CDC73: variants seen among roughly 807,000 people sequenced by gnomAD.
CDC73 encodes parafibromin.
A neutral mutation model predicts 83.7 loss-of-function variants in CDC73; 21 were observed. The ratio of observed to expected loss-of-function variants is 0.25; its 90% CI spans 0.18 to 0.36. The LOEUF is 0.36. CDC73 is among the 10% of genes least tolerant of loss of function. The pLI, the probability that CDC73 is intolerant of heterozygous loss-of-function variation, is 1.00. For missense variants in CDC73, 342 were observed against 653.3 expected, an observed-to-expected ratio of 0.52 and a Z score of 5.19; for synonymous variants, 224 against 212.9, an observed-to-expected ratio of 1.05 and a Z score of -0.45.
At chr1:193,242,085 CATT>C (rs138221223) in intron 15 of CDC73, among the ~76,000 whole-genome samples, 1,836 of 144,494 alleles carry the variant, frequency 0.013, 17 homozygotes, top group South Asian at 0.035. Context: ...TAGATATCAT[CATT>C]GTCTGCAGGT....
At chr1:193,223,791 T>G (rs1677512658) in intron 13 of CDC73, among the ~76,000 whole-genome samples, 1 of 152,090 alleles carries the variant, frequency 6.6e-6, no homozygotes, top group South Asian at 2.1e-4. Context: ...CTCTTTTCAC[T>G]TGGTCTTTGG....
intron 14 of CDC73, among the ~76,000 whole-genome samples, chr1:193,234,173 TCTCACACACA>T (rs1482668526): frequency 0.021 from 1,438 of 68,142 alleles, 16 homozygotes; most frequent in Non-Finnish European, 0.033. Context: ...TCTCTCTCTC[TCTCACACACA>T]CACACACACA....
At chr1:193,212,161 C>A (rs2102038226) in intron 12 of CDC73, 61 bp downstream of exon 12, 3 of 1,344,836 alleles carry the variant, frequency 2.2e-6, no homozygotes, top group South Asian at 1.3e-5. Context: ...CAAAACCAGG[C>A]CTGATAATTT....
At chr1:193,205,762 T>C (rs573619332) in intron 11 of CDC73, among the ~76,000 whole-genome samples, 1 of 152,264 alleles carries the variant, frequency 6.6e-6, no homozygotes, top group East Asian at 1.9e-4. Flanking sequence ...AATAGGCTCT[T>C]GTCCAGAAAC....
At chr1:193,192,181 G>T (rs532195739) in intron 10 of CDC73, among the ~76,000 whole-genome samples, 1 of 152,192 alleles carries the variant, frequency 6.6e-6, no homozygotes, top group East Asian at 1.9e-4. Flanking sequence ...GGTAGCTCAT[G>T]CCTGTAATTC....
At chr1:193,128,204 G>A (rs1486095569) in intron 2 of CDC73, 1 of 152,184 alleles carries the variant, frequency 6.6e-6, no homozygotes, top group Non-Finnish European at 1.5e-5. Context: ...ACCAAATGAT[G>A]ATGTAAGTTA....
chr1:193,152,752 G>C (rs975070668), intron 10 of CDC73, among the ~76,000 whole-genome samples: 1 of 151,878 alleles, frequency 6.6e-6, no homozygotes, highest in Admixed American at 6.6e-5. Flanking sequence ...GAGCTTTTTC[G>C]CATAATATCT....
intron 11 of CDC73, among the ~76,000 whole-genome samples, chr1:193,206,917 C>G (rs1214890251): frequency 6.6e-6 from 1 of 152,138 alleles, no homozygotes; most frequent in Non-Finnish European, 1.5e-5. Context: ...AATTTCCAAC[C>G]TCTCAAAATT....
At chr1:193,145,362 C>T (rs956532412) in intron 7 of CDC73, among the ~76,000 whole-genome samples, 2 of 152,096 alleles carry the variant, frequency 1.3e-5, no homozygotes, top group Non-Finnish European at 2.9e-5. Flanking sequence ...TAGATTCTCT[C>T]GGTATTCTTT....
At chr1:193,167,474 G>A (rs1413312822) in intron 10 of CDC73, among the ~76,000 whole-genome samples, 1 of 151,952 alleles carries the variant, frequency 6.6e-6, no homozygotes, top group Non-Finnish European at 1.5e-5. Flanking sequence ...AATTGATGTT[G>A]CTACACCATG....
intron 10 of CDC73, among the ~76,000 whole-genome samples, chr1:193,199,757 C>A (rs182051205): frequency 6.2e-4 from 94 of 151,010 alleles, no homozygotes; most frequent in African/African-American, 2.2e-3. Context: ...ACATTCTAAT[C>A]TTTGGGAATT....
chr1:193,190,498 C>A (rs937271625), intron 10 of CDC73, among the ~76,000 whole-genome samples: 1 of 152,236 alleles, frequency 6.6e-6, no homozygotes, highest in Non-Finnish European at 1.5e-5. Context: ...TCCTTGAACT[C>A]ACAAAGCAAG....
chr1:193,145,267 G>T (rs1320778470), intron 7 of CDC73, among the ~76,000 whole-genome samples: 1 of 151,992 alleles, frequency 6.6e-6, no homozygotes, highest in Non-Finnish European at 1.5e-5. Flanking sequence ...TAACCTTTAA[G>T]AACCATTTAT....
chr1:193,235,509 T>TTCCAGA (rs1677741768), intron 14 of CDC73, among the ~76,000 whole-genome samples: 2 of 152,244 alleles, frequency 1.3e-5, no homozygotes, highest in Non-Finnish European at 2.9e-5. Context: ...CCCACCGCTT[T>TTCCAGA]AGTTATTGGC....
At chr1:193,160,877 A>G (rs1295288394) in intron 10 of CDC73, among the ~76,000 whole-genome samples, 1 of 152,014 alleles carries the variant, frequency 6.6e-6, no homozygotes, top group Non-Finnish European at 1.5e-5. Context: ...GAACTTTTCC[A>G]TTGGCTATTG....
intron 3 of CDC73, 73 bp from the exon 4 acceptor site, chr1:193,135,318 C>A: frequency 1.6e-6 from 2 of 1,250,452 alleles, no homozygotes; most frequent in Non-Finnish European, 2.3e-6. Context: ...AAACCTAAAG[C>A]ATTTCACTTG....
rs1014639080 is a variant in CDC73 at position 193,233,206 on chromosome 1, A to G, written c.1316+52A>G. On this transcript the variant is annotated intron_variant, in intron 14 of 16. Coordinates refer to ENST00000367435, the MANE Select transcript of CDC73 (RefSeq NM_024529.5). ...TTTCACAGGTGTTGAACCCAAGAGA[A>G]TGAATGTTGTTATTGCCGTTGATGA... is the stretch of plus-strand genomic sequence containing the variant. 8 of 1,498,600 alleles carry G rather than the reference A, an allele frequency of 5.3e-6. No individual in the cohort carries two copies. In the African/African-American group the frequency reaches 8.3e-5, roughly 16 times the overall value. 92.8% of individuals were successfully genotyped at this position (1,498,600 alleles called of 1,614,324 possible).
At chr1:193,144,323 AAGG>A (rs201591400) in intron 7 of CDC73, among the ~76,000 whole-genome samples, 3,009 of 152,176 alleles carry the variant, frequency 0.02, 95 homozygotes, top group African/African-American at 0.068. Context: ...AACTAATAAA[AAGG>A]AGATCACTAG....
intron 10 of CDC73, among the ~76,000 whole-genome samples, chr1:193,189,703 A>G (rs886343733): frequency 6.6e-6 from 1 of 152,222 alleles, no homozygotes; most frequent in Non-Finnish European, 1.5e-5. Context: ...TCAAGGAGTC[A>G]GAATTTAAAG....
Sources: gnomAD v4.1 joint callset for allele counts (sites outside exome capture counted in the v4.1 genomes callset) on GRCh38, gnomAD v4.1.1 for gene constraint, MANE v1.5 for transcripts, NCBI Gene and HGNC (gene_info 2026-07-23, HGNC 2026-07-21) for gene names.